Variants in SLC30A8 observed in about 807,000 individuals in gnomAD.
The protein encoded by SLC30A8 is solute carrier family 30 member 8.
SLC30A8 carries 27 observed loss-of-function variants against 36.9 expected under a neutral mutation model. The observed-to-expected ratio is 0.73, with a 90% CI of 0.54 to 1.01. The LOEUF (loss-of-function observed/expected upper bound fraction) is 1.01, where lower values mean the gene tolerates loss of function less well. SLC30A8 is among the 50% of genes least tolerant of loss of function. SLC30A8 has a pLI of 0.00. For missense variants in SLC30A8, 439 were observed against 452.0 expected (o/e 0.97, Z 0.26); for synonymous variants, 164 against 172.4 (o/e 0.95, Z 0.38).
At chr8:117,093,369 CTTACTTAAG>C (rs142623482) in intron 2 of SLC30A8, among the ~76,000 whole-genome samples, 4,922 of 151,616 alleles carry the variant, frequency 0.032, 186 homozygotes, top group African/African-American at 0.096. Context: ...TAAGTCTTAT[CTTACTTAAG>C]CCAAATAAGA....
chr8:116,976,006 G>A (rs1476781737), intron 1 of SLC30A8, among the ~76,000 whole-genome samples: 2 of 152,142 alleles, frequency 1.3e-5, no homozygotes, highest in African/African-American at 4.8e-5. Context: ...TGAACTAGAA[G>A]CCAATAAGGA....
At chr8:116,992,184 C>T (rs755492100) in intron 1 of SLC30A8, among the ~76,000 whole-genome samples, 5 of 151,706 alleles carry the variant, frequency 3.3e-5, no homozygotes, top group Middle Eastern at 3.2e-3. Flanking sequence ...GTGACAAAGC[C>T]GAGAAAAATC....
intron 2 of SLC30A8, among the ~76,000 whole-genome samples, chr8:117,089,365 A>G (rs1232037501): frequency 1.3e-5 from 2 of 152,148 alleles, no homozygotes; most frequent in Admixed American, 1.3e-4. Context: ...TGAATTTTGC[A>G]TCTCCCATCT....
At position 117,153,101 on chromosome 8, in the gene SLC30A8, T is replaced by C; in HGVS notation, c.418+11T>C. On this transcript the variant is annotated intron_variant, in intron 3 of 7. Coordinates refer to ENST00000456015, the MANE Select transcript of SLC30A8 (RefSeq NM_173851.3). ...GATGGCACCGAGCAGGTACGGTTCA[T>C]AGAGTGAGCAATAACAGCAGGCTGG... is the stretch of plus-strand genomic sequence containing the variant. 6.4e-7 allele frequency: 1 copy of C among 1,569,810 alleles called. No individual in the cohort carries two copies. The highest frequency in any genetic ancestry group is 8.7e-7 in the Non-Finnish European group (1 of 1,151,758).
At chr8:116,974,782 C>T (rs1398578728) in intron 1 of SLC30A8, among the ~76,000 whole-genome samples, 1 of 152,006 alleles carries the variant, frequency 6.6e-6, no homozygotes, top group African/African-American at 2.4e-5. Flanking sequence ...GACGTAGAAC[C>T]AACCCAAATG....
intron 2 of SLC30A8, chr8:117,147,595 A>C (rs1040076023): frequency 6.3e-6 from 1 of 157,890 alleles, no homozygotes; most frequent in African/African-American, 2.4e-5. Context: ...CTGCAATGCA[A>C]AATCTTGAAG....
intron 2 of SLC30A8, among the ~76,000 whole-genome samples, chr8:117,045,196 C>T (rs181769021): frequency 1.4e-4 from 22 of 152,242 alleles, no homozygotes; most frequent in Non-Finnish European, 2.4e-4. Flanking sequence ...TAGCCTTATT[C>T]TTCTCCTAAA....
chr8:116,978,353 A>G (rs2130636107), intron 1 of SLC30A8, among the ~76,000 whole-genome samples: 1 of 152,334 alleles, frequency 6.6e-6, no homozygotes, highest in African/African-American at 2.4e-5. Flanking sequence ...TGGGGTAAGA[A>G]TTTTGGATAC....
At chr8:117,075,011 A>G (rs1818448129) in intron 2 of SLC30A8, among the ~76,000 whole-genome samples, 1 of 152,182 alleles carries the variant, frequency 6.6e-6, no homozygotes, top group African/African-American at 2.4e-5. Flanking sequence ...ACCAACAGCA[A>G]CAGTCAATAC....
rs1439696431 is a variant in SLC30A8 at position 117,010,829 on chromosome 8, T to C, written c.-265-28390T>C. On this transcript the variant is annotated intron_variant, in intron 1 of 10. Transcript: ENST00000427715. ...TGGCACAGCAAGAGCAAAAGAGAGA[T>C]GGGGGAAGTGCTGTACACTTTTAAA... Among the ~76,000 whole-genome samples the C allele has an allele frequency of 3.3e-5, 5 of 152,076 alleles. No individual in the cohort carries two copies. The East Asian group carries it at 9.7e-4, about 29-fold the overall frequency.
intron 2 of SLC30A8, among the ~76,000 whole-genome samples, chr8:117,102,730 G>A (rs1455000685): frequency 6.6e-6 from 1 of 152,132 alleles, no homozygotes; most frequent in Non-Finnish European, 1.5e-5. Flanking sequence ...CTTCTTCTAT[G>A]GGTGCCTGTG....
intron 2 of SLC30A8, among the ~76,000 whole-genome samples, chr8:117,079,849 A>G (rs1200306711): frequency 6.6e-6 from 1 of 152,234 alleles, no homozygotes; most frequent in Admixed American, 6.5e-5. Context: ...CCCGTTGTTA[A>G]ACTGAGTCAA....
intron 1 of SLC30A8, among the ~76,000 whole-genome samples, chr8:117,009,112 C>T (rs1816266201): frequency 6.6e-6 from 1 of 152,152 alleles, no homozygotes; most frequent in African/African-American, 2.4e-5. Flanking sequence ...AATCAAAATC[C>T]CCTGCTTAGA....
chr8:117,041,470 C>T (rs1817384938), intron 2 of SLC30A8, among the ~76,000 whole-genome samples: 1 of 152,142 alleles, frequency 6.6e-6, no homozygotes, highest in Non-Finnish European at 1.5e-5. Context: ...GGTGGATAGC[C>T]TGAGGTCAGG....
Position 117,157,843 on chromosome 8 carries a change from G to T in SLC30A8, c.571G>T (p.Val191Leu). 6.2e-7 allele frequency: 1 copy of T among 1,613,994 alleles called. No individual in the cohort carries two copies. The highest frequency in any genetic ancestry group is 8.5e-7 in the Non-Finnish European group (1 of 1,179,944). Residue 191 changes from valine (V) to leucine (L), a missense_variant and splice_region_variant, in exon 4 of 8, where the codon GTA (valine) becomes TTA (leucine). Physicochemically the swap from Val to Leu is conservative, Grantham distance 32. Coordinates refer to ENST00000456015, the MANE Select transcript of SLC30A8 (RefSeq NM_173851.3). Reference protein sequence around the residue: ...VSSCAVAANIVLTVVLHQRCL... With the variant: ...VSSCAVAANILLTVVLHQRCL... Reference sequence around the variant, plus strand: ...CAGCTGCGCAGTGGCGGCCAACATTGTGTAAGTCATCCCCTGGTCCCCACA... The same window carrying T: ...CAGCTGCGCAGTGGCGGCCAACATTTTGTAAGTCATCCCCTGGTCCCCACA...
chr8:117,147,435 C>G (rs1407254055), intron 2 of SLC30A8: 1 of 354,006 alleles, frequency 2.8e-6, no homozygotes, highest in Non-Finnish European at 5.3e-6. Flanking sequence ...TAACTGAGAG[C>G]ATACTGAATG....
At chr8:117,061,063 G>T (rs1334930189) in intron 2 of SLC30A8, among the ~76,000 whole-genome samples, 1 of 152,038 alleles carries the variant, frequency 6.6e-6, no homozygotes, top group Non-Finnish European at 1.5e-5. Flanking sequence ...CTGCTCATTT[G>T]CTTGGACAGA....
Position 117,172,684 on chromosome 8 carries a change from C to G in SLC30A8, c.*3C>G. 6.2e-7 allele frequency: 1 copy of G among 1,613,432 alleles called. No individual in the cohort carries two copies. Among genetic ancestry groups the G allele is most frequent in the Non-Finnish European group, 8.5e-7 (1 of 1,179,484 alleles). ...TCTGTGAAGACCCCTGTGACTAGCT[C>G]AGTCACACCGTCAGTTTCCCAAATT... On this transcript the variant is annotated 3_prime_UTR_variant, in exon 8 of 8. Coordinates refer to ENST00000456015, the MANE Select transcript of SLC30A8 (RefSeq NM_173851.3).
chr8:116,992,193 T>C (rs1815667941), intron 1 of SLC30A8, among the ~76,000 whole-genome samples: 1 of 151,966 alleles, frequency 6.6e-6, no homozygotes, highest in Non-Finnish European at 1.5e-5. Context: ...CCGAGAAAAA[T>C]CAAGAGTCAT....
Sources: allele counts gnomAD v4.1 joint callset (sites outside exome capture counted in the v4.1 genomes callset), GRCh38; gene constraint gnomAD v4.1.1; transcripts MANE v1.5; gene names NCBI Gene and HGNC (gene_info 2026-07-23, HGNC 2026-07-21).